Variants in GALNTL5 observed in about 807,000 individuals in gnomAD.
GALNTL5 encodes inactive polypeptide N-acetylgalactosaminyltransferase-like protein 5.
Under a neutral mutation model 51.0 loss-of-function variants are expected in GALNTL5, and 44 were observed. The observed-to-expected ratio is 0.86, with a 90% CI of 0.68 to 1.11. GALNTL5 has a LOEUF of 1.11. GALNTL5 is among the 50% of genes least tolerant of loss of function. The pLI, the probability that GALNTL5 is intolerant of heterozygous loss-of-function variation, is 0.00. For missense variants in GALNTL5, 528 were observed against 531.8 expected, an observed-to-expected ratio of 0.99 and a Z score of 0.07; for synonymous variants, 192 against 182.8, an observed-to-expected ratio of 1.05 and a Z score of -0.41.
chr7:152,015,946 T>C (rs2081807386), intron 8 of GALNTL5, among the ~76,000 whole-genome samples: 1 of 152,232 alleles, frequency 6.6e-6, no homozygotes, highest in Non-Finnish European at 1.5e-5. Flanking sequence ...AGAATCTCTC[T>C]GACAGTGTAT....
chr7:151,984,473 G>A (rs541149567), intron 4 of GALNTL5, among the ~76,000 whole-genome samples: 26 of 152,292 alleles, frequency 1.7e-4, no homozygotes, highest in Admixed American at 7.2e-4. Flanking sequence ...CATCCCATGA[G>A]GTTCACCCTG....
At chr7:151,972,831 C>A (rs1463392961) in intron 3 of GALNTL5, among the ~76,000 whole-genome samples, 1 of 152,042 alleles carries the variant, frequency 6.6e-6, no homozygotes, top group Non-Finnish European at 1.5e-5. Context: ...GCTGCGGGGG[C>A]AGAGCCCTCG....
In GALNTL5 at chr7:152,019,858, A is replaced by G. The variant is rs1364402859; in HGVS notation, c.*57A>G. ...GTTAAAAGTCTCCTAGTCATTCAACATAGTGTCACAAGAGTGTAAGTTTGG... is the reference window on the plus strand; with the variant it reads ...GTTAAAAGTCTCCTAGTCATTCAACGTAGTGTCACAAGAGTGTAAGTTTGG... On this transcript the variant is annotated 3_prime_UTR_variant, in exon 9 of 9. Coordinates refer to ENST00000392800, the MANE Select transcript of GALNTL5 (RefSeq NM_145292.4). 1 of 1,424,430 alleles carries G rather than the reference A, an allele frequency of 7.0e-7. No homozygotes were observed. The highest frequency in any genetic ancestry group is 9.7e-7 in the Non-Finnish European group (1 of 1,032,170). The allele number at this position is 1,424,430 out of a possible 1,614,324, so 88.2% of individuals were successfully genotyped here.
At chr7:152,000,421 A>C (rs886810308) in intron 5 of GALNTL5, among the ~76,000 whole-genome samples, 4 of 152,332 alleles carry the variant, frequency 2.6e-5, no homozygotes, top group African/African-American at 9.6e-5. Flanking sequence ...GAGGTCCTCA[A>C]AGTTGCTATT....
chr7:151,960,266 A>C (rs6953624), intron 1 of GALNTL5: 35,947 of 152,120 alleles, frequency 0.24, 5,053 homozygotes, highest in African/African-American at 0.37. Context: ...CCAACCAGAA[A>C]ATTCCTTTCC....
chr7:152,008,095 TA>T, intron 7 of GALNTL5, 151 bp downstream of exon 7: 1 of 561,224 alleles, frequency 1.8e-6, no homozygotes, highest in Non-Finnish European at 3.1e-6. Context: ...GGGCTCCTTG[TA>T]AAAATGGAAA....
At chr7:151,988,522 C>T (rs1388132138) in intron 5 of GALNTL5, among the ~76,000 whole-genome samples, 1 of 152,102 alleles carries the variant, frequency 6.6e-6, no homozygotes, top group Non-Finnish European at 1.5e-5. Flanking sequence ...TCTCTTTTTC[C>T]ATGTTGCCCT....
chr7:152,014,848 T>A, intron 8 of GALNTL5, 55 bp downstream of exon 8: 1 of 1,499,482 alleles, frequency 6.7e-7, no homozygotes, highest in Non-Finnish European at 9.0e-7. Flanking sequence ...GCAGGACTTG[T>A]TCTGAGGAAG....
chr7:151,997,905 A>G (rs973648249), intron 5 of GALNTL5, among the ~76,000 whole-genome samples: 1 of 152,216 alleles, frequency 6.6e-6, no homozygotes, highest in South Asian at 2.1e-4. Flanking sequence ...ATTTTATTTT[A>G]AAAAATCAAA....
chr7:152,014,160 T>A (rs768290341), intron 7 of GALNTL5, among the ~76,000 whole-genome samples: 4 of 152,244 alleles, frequency 2.6e-5, no homozygotes, highest in Non-Finnish European at 4.4e-5. Flanking sequence ...AACCAATCTA[T>A]GTGTTAGTTT....
chr7:151,994,785 T>C (rs1325033773), intron 5 of GALNTL5, among the ~76,000 whole-genome samples: 2 of 149,962 alleles, frequency 1.3e-5, no homozygotes, highest in African/African-American at 4.9e-5. Context: ...TTTGACAGAG[T>C]CTCGTTCTGT....
intron 5 of GALNTL5, among the ~76,000 whole-genome samples, chr7:152,002,090 G>A (rs2081586967): frequency 6.6e-6 from 1 of 152,090 alleles, no homozygotes; most frequent in Admixed American, 6.5e-5. Context: ...GACCAGCCTG[G>A]CCAACACGGT....
intron 7 of GALNTL5, among the ~76,000 whole-genome samples, chr7:152,009,455 C>G (rs2081699957): frequency 1.3e-5 from 2 of 152,206 alleles, no homozygotes; most frequent in Admixed American, 1.3e-4. Flanking sequence ...GGTTTGCCTT[C>G]CATTGCTCAG....
intron 1 of GALNTL5, among the ~76,000 whole-genome samples, chr7:151,963,173 T>G (rs1009300393): frequency 6.6e-5 from 10 of 152,248 alleles, no homozygotes; most frequent in Non-Finnish European, 1.5e-4. Context: ...ATTCATTATA[T>G]GGGGCATTCT....
In GALNTL5 at chr7:152,002,899, T is replaced by C. The variant is rs1008226977; in HGVS notation, c.844T>C (p.Phe282Leu). 2 of 1,613,806 alleles carry C rather than the reference T, an allele frequency of 1.2e-6. No homozygotes were observed. Among genetic ancestry groups the C allele is most frequent in the African/African-American group, 1.3e-5 (1 of 74,898 alleles). ...GGGAACTTTTGATTGGAACCTACAA[T>C]TTAAATGGGATAATGTTTTCTCTTA... ...VRGTFDWNLQFKWDNVFSYEM... is the reference protein window; with the variant it reads ...VRGTFDWNLQLKWDNVFSYEM... The change falls in exon 6 of 9, where the codon TTT becomes CTT. Residue 282 changes from phenylalanine (F) to leucine (L), a missense_variant. Phe to Leu is a conservative substitution (Grantham distance 22). Coordinates refer to ENST00000392800, the MANE Select transcript of GALNTL5 (RefSeq NM_145292.4).
chr7:151,980,912 A>T (rs1429189768), intron 3 of GALNTL5, among the ~76,000 whole-genome samples: 1 of 149,976 alleles, frequency 6.7e-6, no homozygotes, highest in Non-Finnish European at 1.5e-5. Flanking sequence ...CGCCCGGCTA[A>T]ATTTTTGTAT....
chr7:151,961,131 G>A (rs1447743367), intron 1 of GALNTL5, among the ~76,000 whole-genome samples: 1 of 152,154 alleles, frequency 6.6e-6, no homozygotes, highest in African/African-American at 2.4e-5. Context: ...GTTCGAGGCT[G>A]CAGTGAGCTA....
intron 5 of GALNTL5, among the ~76,000 whole-genome samples, chr7:151,999,959 T>C (rs1167690023): frequency 6.6e-6 from 1 of 152,164 alleles, no homozygotes; most frequent in East Asian, 1.9e-4. Context: ...TTGAGTCATG[T>C]TGTTAGAGAT....
chr7:151,968,300 A>G (rs1460464948), intron 2 of GALNTL5, among the ~76,000 whole-genome samples: 2 of 151,970 alleles, frequency 1.3e-5, no homozygotes, highest in Admixed American at 6.6e-5. Flanking sequence ...TGCTGCCTCA[A>G]AAAAAAATAA....
Sources: gnomAD v4.1 joint callset for allele counts (sites outside exome capture counted in the v4.1 genomes callset) on GRCh38, gnomAD v4.1.1 for gene constraint, MANE v1.5 for transcripts, NCBI Gene and HGNC (gene_info 2026-07-23, HGNC 2026-07-21) for gene names.